Variants in SYT16 observed in about 807,000 individuals in gnomAD.
SYT16 encodes synaptotagmin-16.
A neutral mutation model predicts 61.4 loss-of-function variants in SYT16; 42 were observed. The observed-to-expected ratio is 0.68, with a 90% CI of 0.53 to 0.89. The LOEUF is 0.89. Among genes scored for constraint, SYT16 ranks in the 40% least tolerant of loss-of-function variants. SYT16 has a pLI of 0.00. For synonymous variants in SYT16, 314 were observed against 302.3 expected (o/e 1.04, Z -0.40); for missense variants, 804 against 807.3 (o/e 1.00, Z 0.05).
chr14:61,922,029 A>G (rs2049351307), intron 1 of SYT16, among the ~76,000 whole-genome samples: 1 of 152,214 alleles, frequency 6.6e-6, no homozygotes, highest in South Asian at 2.1e-4. Flanking sequence ...CACATATTTA[A>G]TTGTCAATGC....
intron 1 of SYT16, among the ~76,000 whole-genome samples, chr14:61,845,595 T>A (rs1232021035): frequency 6.6e-6 from 1 of 152,202 alleles, no homozygotes; most frequent in Non-Finnish European, 1.5e-5. Flanking sequence ...TTTTTCTTAG[T>A]CTGGCTAAAG....
chr14:61,991,330 T>TTGTGTGTGTG (rs71117861), intron 2 of SYT16, among the ~76,000 whole-genome samples: 8,147 of 146,364 alleles, frequency 0.056, 269 homozygotes, highest in South Asian at 0.11. Flanking sequence ...TGTTTTTCAT[T>TTGTGTGTGTG]TGTGTGTGTG....
intron 1 of SYT16, among the ~76,000 whole-genome samples, chr14:61,922,037 T>C (rs1399692682): frequency 6.6e-6 from 1 of 152,238 alleles, no homozygotes; most frequent in Non-Finnish European, 1.5e-5. Context: ...TAATTGTCAA[T>C]GCTACAGTCT....
At chr14:62,006,391 C>G (rs1306494277) in intron 3 of SYT16, among the ~76,000 whole-genome samples, 1 of 152,100 alleles carries the variant, frequency 6.6e-6, no homozygotes, top group Non-Finnish European at 1.5e-5. Flanking sequence ...CTTAAAAAGC[C>G]TTGTCAAGCT....
At chr14:61,889,351 T>C (rs1312734268) in intron 1 of SYT16, among the ~76,000 whole-genome samples, 5 of 152,166 alleles carry the variant, frequency 3.3e-5, no homozygotes, top group African/African-American at 9.7e-5. Flanking sequence ...TTGGGGACAT[T>C]TTCCCTAAAC....
rs189569998 is a variant in SYT16 at position 61,876,083 on chromosome 14, C to T, written c.-325+63273C>T. Among the ~76,000 whole-genome samples, 44 of 152,018 alleles carry T rather than the reference C, an allele frequency of 2.9e-4. 2 individuals are homozygous for T. The East Asian group carries it at 7.2e-3, about 25-fold the overall frequency. On this transcript the variant is annotated intron_variant, in intron 1 of 7. Coordinates refer to ENST00000683842, the MANE Select transcript of SYT16 (RefSeq NM_001367656.1). ...GTGTGCGTGTGTGTGTGCACATGCA[C>T]GTGTGTGTGAGTGCGTGTTTACTGT...
intron 3 of SYT16, among the ~76,000 whole-genome samples, chr14:62,058,582 C>G (rs966104230): frequency 6.6e-6 from 1 of 152,030 alleles, no homozygotes; most frequent in Non-Finnish European, 1.5e-5. Context: ...CCAGGCTGGT[C>G]TCGACCTCTG....
chr14:61,870,041 T>A (rs924383112), intron 1 of SYT16, among the ~76,000 whole-genome samples: 12 of 152,176 alleles, frequency 7.9e-5, no homozygotes, highest in Admixed American at 1.3e-4. Context: ...TAAGAAAAAA[T>A]TTATATCTAG....
In SYT16 at chr14:61,814,003, G is replaced by A. The variant is rs962767413; in HGVS notation, c.-325+1193G>A. On this transcript the variant is annotated intron_variant, in intron 1 of 7. Coordinates refer to ENST00000683842, the MANE Select transcript of SYT16 (RefSeq NM_001367656.1). ...TCTCTCTAGAATTCCCTAGCAGTGGGACCATGGCACTGTCCTCAGTTTCTC... is the reference window on the plus strand; with the variant it reads ...TCTCTCTAGAATTCCCTAGCAGTGGAACCATGGCACTGTCCTCAGTTTCTC... Among the ~76,000 whole-genome samples the A allele has an allele frequency of 4.6e-5, 7 of 152,098 alleles. 1 individual carries two copies. The highest frequency in any genetic ancestry group is 7.4e-5 in the Non-Finnish European group (5 of 68,026).
At chr14:62,038,018 T>C (rs2054577252) in intron 3 of SYT16, among the ~76,000 whole-genome samples, 1 of 152,148 alleles carries the variant, frequency 6.6e-6, no homozygotes, top group Admixed American at 6.5e-5. Flanking sequence ...ATTAAGCAGA[T>C]GGATTTGTAA....
intron 3 of SYT16, among the ~76,000 whole-genome samples, chr14:62,058,340 C>CTT (rs796187620): frequency 3.9e-3 from 420 of 108,922 alleles, no homozygotes; most frequent in Non-Finnish European, 6.0e-3. Flanking sequence ...TGTTTAAATT[C>CTT]TTTTTTTTTT....
At chr14:61,982,558 C>G (rs762835317) in intron 2 of SYT16, among the ~76,000 whole-genome samples, 32 of 152,070 alleles carry the variant, frequency 2.1e-4, no homozygotes, top group Non-Finnish European at 4.1e-4. Flanking sequence ...CCCACCAGGT[C>G]CCTCCCATAA....
At chr14:62,034,411 T>C (rs1270656870) in intron 3 of SYT16, among the ~76,000 whole-genome samples, 13 of 152,184 alleles carry the variant, frequency 8.5e-5, no homozygotes, top group Admixed American at 8.5e-4. Flanking sequence ...TGAATATTCA[T>C]AGTACCATCA....
intron 1 of SYT16, among the ~76,000 whole-genome samples, chr14:61,845,097 G>A (rs563014559): frequency 6.9e-6 from 1 of 144,800 alleles, no homozygotes; most frequent in Non-Finnish European, 1.5e-5. Flanking sequence ...ACCCCAGCTG[G>A]AGTGCAGTGG....
intron 7 of SYT16, among the ~76,000 whole-genome samples, chr14:62,088,138 A>G (rs1228603301): frequency 6.6e-6 from 1 of 152,230 alleles, no homozygotes; most frequent in Non-Finnish European, 1.5e-5. Context: ...GTCAAAAAAG[A>G]AAAAAAGACC....
chr14:61,861,239 G>C (rs1404001232), intron 1 of SYT16, among the ~76,000 whole-genome samples: 4 of 152,050 alleles, frequency 2.6e-5, no homozygotes, highest in Non-Finnish European at 5.9e-5. Context: ...TTCTTTATGG[G>C]CACAGAAATG....
At chr14:62,042,409 G>A (rs2054771349) in intron 3 of SYT16, among the ~76,000 whole-genome samples, 1 of 152,114 alleles carries the variant, frequency 6.6e-6, no homozygotes, top group African/African-American at 2.4e-5. Context: ...GTTATATAGT[G>A]GCTCTTCGAT....
At chr14:62,052,411 A>C (rs1349643393) in intron 3 of SYT16, among the ~76,000 whole-genome samples, 1 of 152,200 alleles carries the variant, frequency 6.6e-6, no homozygotes, top group East Asian at 1.9e-4. Context: ...AACGGTGTTG[A>C]AATTAGAATG....
At chr14:62,029,247 G>T (rs1245128369) in intron 3 of SYT16, among the ~76,000 whole-genome samples, 1 of 152,170 alleles carries the variant, frequency 6.6e-6, no homozygotes, top group African/African-American at 2.4e-5. Flanking sequence ...TTGTGCCTCA[G>T]CCTCCTGAGT....
Sources: allele counts gnomAD v4.1 joint callset (sites outside exome capture counted in the v4.1 genomes callset), GRCh38; gene constraint gnomAD v4.1.1; transcripts MANE v1.5; gene names NCBI Gene and HGNC (gene_info 2026-07-23, HGNC 2026-07-21).